AOPEP: variants seen among roughly 807,000 people sequenced by gnomAD.
The protein encoded by AOPEP is aminopeptidase O.
AOPEP carries 77 observed loss-of-function variants against 98.1 expected under a neutral mutation model. The observed-to-expected ratio is 0.78, with a 90% CI of 0.65 to 0.95. The LOEUF (loss-of-function observed/expected upper bound fraction) is 0.95. Ranked by LOEUF, AOPEP falls within the 40% of genes least tolerant of loss-of-function variation. AOPEP has a pLI of 0.00. For synonymous variants in AOPEP, 346 were observed against 365.3 expected (o/e 0.95, Z 0.60); for missense variants, 1,024 against 1,024.7 (o/e 1.00, Z 0.01).
chr9:94,928,571 C>T (rs2054757532), intron 7 of AOPEP, 40 bp downstream of exon 7: 1 of 1,391,742 alleles, frequency 7.2e-7, no homozygotes, highest in South Asian at 1.2e-5. Flanking sequence ...TCATTCCCCT[C>T]CTTCTTTCCT....
chr9:94,910,912 T>G (rs1178898395), intron 5 of AOPEP, among the ~76,000 whole-genome samples: 2 of 152,242 alleles, frequency 1.3e-5, no homozygotes, highest in African/African-American at 4.8e-5. Flanking sequence ...TGTCTGGGCC[T>G]CCTCGTGATG....
At chr9:95,053,707 T>TTTTTTG (rs2066585235) in intron 13 of AOPEP, among the ~76,000 whole-genome samples, 3 of 150,710 alleles carry the variant, frequency 2.0e-5, no homozygotes, top group African/African-American at 7.3e-5. Context: ...TTAATTCATT[T>TTTTTTG]TTGTTGTTGT....
chr9:94,827,737 T>A (rs1472235758), intron 5 of AOPEP, among the ~76,000 whole-genome samples: 1 of 151,884 alleles, frequency 6.6e-6, no homozygotes. Flanking sequence ...AAAAAGCAAA[T>A]AGAGATAAAT....
chr9:95,135,722 A>G, the AOPEP span, among the ~76,000 whole-genome samples: 28 of 152,216 alleles, frequency 1.8e-4, no homozygotes, highest in Non-Finnish European at 2.4e-4. Flanking sequence ...AGAAATCAGA[A>G]ATGCTCAGGA....
chr9:95,079,749 T>C lies in AOPEP; in HGVS notation c.2233-945T>C, dbSNP rs1424979882. ...GGTGGGAGTGGGGGTTCCTTCCGAATTCCTGCAGGTGAACGTTTAATAAAG... is the reference window on the plus strand; with the variant it reads ...GGTGGGAGTGGGGGTTCCTTCCGAACTCCTGCAGGTGAACGTTTAATAAAG... On this transcript the variant is annotated intron_variant, in intron 14 of 16. Transcript: ENST00000375315. Among the ~76,000 whole-genome samples, 3 of 152,232 alleles carry C rather than the reference T, an allele frequency of 2.0e-5. No individual in the cohort carries two copies. The East Asian group carries it at 5.8e-4, about 29-fold the overall frequency.
At chr9:94,829,222 A>G (rs1855394173) in intron 5 of AOPEP, among the ~76,000 whole-genome samples, 2 of 152,034 alleles carry the variant, frequency 1.3e-5, no homozygotes, top group Admixed American at 6.6e-5. Context: ...ACGCACACGC[A>G]CACACACACA....
At chr9:95,120,379 A>G in the AOPEP span, among the ~76,000 whole-genome samples, 5 of 151,922 alleles carry the variant, frequency 3.3e-5, no homozygotes, top group Admixed American at 1.3e-4. Flanking sequence ...TCTTTTTGCC[A>G]ATACCTCACT....
intron 5 of AOPEP, among the ~76,000 whole-genome samples, chr9:94,821,266 C>T (rs1018803867): frequency 1.3e-5 from 2 of 152,094 alleles, no homozygotes; most frequent in Non-Finnish European, 2.9e-5. Context: ...CAGGATAGAG[C>T]GTTCACCCCA....
intron 13 of AOPEP, among the ~76,000 whole-genome samples, chr9:95,005,832 T>C (rs1037906127): frequency 2.0e-5 from 3 of 152,314 alleles, no homozygotes; most frequent in Admixed American, 6.5e-5. Context: ...CCCATGAAAT[T>C]TGTTTCATGC....
rs2042060944 is a variant in AOPEP at position 94,839,722 on chromosome 9, T to TA, written c.1364+38721dup. Among the ~76,000 whole-genome samples the TA allele has an allele frequency of 2.6e-5, 4 of 152,316 alleles. No homozygotes were observed. The South Asian group carries it at 8.3e-4, about 32-fold the overall frequency. On this transcript the variant is annotated intron_variant, in intron 5 of 16. Coordinates refer to ENST00000375315, the MANE Select transcript of AOPEP (RefSeq NM_001193329.3). ...CCTGCCTTATTGCACTCTTAGGACT[T>TA]ACAATATGATGTGGACAGGAGTGGT...
the AOPEP span, among the ~76,000 whole-genome samples, chr9:95,116,613 G>A: frequency 1.4e-3 from 217 of 152,320 alleles, 1 homozygote; most frequent in African/African-American, 5.1e-3. Flanking sequence ...GGCGCAGTCT[G>A]TGCCCATGTC....
At chr9:94,944,711 G>A (rs2057424021) in intron 7 of AOPEP, among the ~76,000 whole-genome samples, 1 of 152,136 alleles carries the variant, frequency 6.6e-6, no homozygotes, top group South Asian at 2.1e-4. Flanking sequence ...TAGATTAATG[G>A]TCAGGGCCTG....
At chr9:94,951,070 G>A (rs967897071) in intron 7 of AOPEP, among the ~76,000 whole-genome samples, 3 of 152,258 alleles carry the variant, frequency 2.0e-5, no homozygotes, top group Non-Finnish European at 4.4e-5. Flanking sequence ...GTCAATCTCA[G>A]TTGTTGCATT....
the AOPEP span, among the ~76,000 whole-genome samples, chr9:95,117,949 C>T: frequency 5.9e-5 from 9 of 151,274 alleles, no homozygotes; most frequent in East Asian, 1.9e-4. Flanking sequence ...CTCGAACTCC[C>T]GACCTCAGGT....
At chr9:95,011,119 C>T (rs541440873) in intron 13 of AOPEP, among the ~76,000 whole-genome samples, 1 of 151,960 alleles carries the variant, frequency 6.6e-6, no homozygotes, top group East Asian at 1.9e-4. Flanking sequence ...TTTTTGGTAG[C>T]CTCAGGAAGG....
Position 94,955,957 on chromosome 9 carries a change from A to G in AOPEP, c.1814A>G (p.Tyr605Cys), listed in dbSNP as rs1423810952. 1 of 1,613,454 alleles carries G rather than the reference A, an allele frequency of 6.2e-7. No individual in the cohort carries two copies. The highest frequency in any genetic ancestry group is 8.5e-7 in the Non-Finnish European group (1 of 1,179,926). ...GCCAAAAGACTTGGAGATGAAACCT[A>G]TTTTTCATTTTTAAGAAAATTTGTG... ...FLAKRLGDET[Y>C]FSFLRKFVHT... The change falls in exon 9 of 17, where the codon TAT becomes TGT. Residue 605 changes from tyrosine (Y) to cysteine (C), a missense_variant. Tyr to Cys is a radical substitution (Grantham distance 194). This residue lies in a region of AOPEP where 566 missense variants were observed against 551.7 expected (regional missense o/e 1.03). Coordinates refer to ENST00000375315, the MANE Select transcript of AOPEP (RefSeq NM_001193329.3).
At chr9:94,839,190 A>G (rs1449509586) in intron 5 of AOPEP, among the ~76,000 whole-genome samples, 5 of 143,768 alleles carry the variant, frequency 3.5e-5, no homozygotes, top group Non-Finnish European at 7.6e-5. Flanking sequence ...GGTTCACGCC[A>G]TTCTCCTGCC....
At chr9:95,114,397 G>A in the AOPEP span, 19 of 584,798 alleles carry the variant, frequency 3.2e-5, no homozygotes, top group Admixed American at 7.8e-5. Context: ...AAAACATTTC[G>A]ATACAGGTAT....
At chr9:95,132,325 G>C in the AOPEP span, among the ~76,000 whole-genome samples, 1 of 152,176 alleles carries the variant, frequency 6.6e-6, no homozygotes, top group African/African-American at 2.4e-5. Flanking sequence ...ATTGTAACTG[G>C]AAAACATAAC....
Sources: gnomAD v4.1 joint callset for allele counts (sites outside exome capture counted in the v4.1 genomes callset) on GRCh38, gnomAD v4.1.1 for gene constraint, gnomAD v4.1.1 regional missense constraint, MANE v1.5 for transcripts, NCBI Gene and HGNC (gene_info 2026-07-23, HGNC 2026-07-21) for gene names.